CDC23: variants seen among roughly 807,000 people sequenced by gnomAD.
The protein encoded by CDC23 is cell division cycle protein 23 homolog.
CDC23 carries 26 observed loss-of-function variants against 81.7 expected under a neutral mutation model. The observed-to-expected ratio is 0.32, with a 90% CI of 0.23 to 0.44. The LOEUF (loss-of-function observed/expected upper bound fraction) is 0.44. CDC23 is among the 20% of genes least tolerant of loss of function. The pLI, the probability that CDC23 is intolerant of heterozygous loss-of-function variation, is 1.00. For synonymous variants in CDC23, 267 were observed against 270.8 expected (o/e 0.99, Z 0.14); for missense variants, 519 against 728.0 (o/e 0.71, Z 3.30).
At chr5:138,198,108 C>CA in intron 9 of CDC23, 91 bp downstream of exon 9, 1 of 972,340 alleles carries the variant, frequency 1.0e-6, no homozygotes, top group Non-Finnish European at 1.6e-6. Flanking sequence ...TAAAGGCACG[C>CA]ACCACCATCC....
intron 9 of CDC23, among the ~76,000 whole-genome samples, chr5:138,193,595 TA>T (rs1162571701): frequency 7.6e-6 from 1 of 131,368 alleles, no homozygotes. Context: ...AACAACATCT[TA>T]AAAAAAAAGG....
intron 12 of CDC23, 101 bp downstream of exon 12, chr5:138,191,761 C>A: frequency 9.7e-7 from 1 of 1,026,390 alleles, no homozygotes; most frequent in South Asian, 1.3e-5. Flanking sequence ...CTTTCCTATG[C>A]ACCTAGATCA....
At chr5:138,206,873 G>A (rs1043684670) in intron 2 of CDC23, among the ~76,000 whole-genome samples, 189 bp from the exon 3 acceptor site, 1 of 148,026 alleles carries the variant, frequency 6.8e-6, no homozygotes, top group African/African-American at 2.5e-5. Context: ...TAAGCCCATA[G>A]AACTCTTTTT....
chr5:138,212,368 G>T (rs1230731649), intron 2 of CDC23, among the ~76,000 whole-genome samples: 1 of 152,168 alleles, frequency 6.6e-6, no homozygotes, highest in African/African-American at 2.4e-5. Context: ...CCTCGGGCTG[G>T]AGTGCAATGG....
Position 138,193,593 on chromosome 5 carries a change from C to T in CDC23, c.1013-936G>A, listed in dbSNP as rs17228498. Among the ~76,000 whole-genome samples the T allele has an allele frequency of 9.2e-3, 1,341 of 146,488 alleles. 19 individuals are homozygous for T. The highest frequency in any genetic ancestry group is 0.032 in the African/African-American group (1,271 of 39,606). On this transcript the variant is annotated intron_variant, in intron 9 of 15. Transcript: ENST00000394886. ...CTTGGGTAATAGAGCAAAACAACAT[C>T]TTAAAAAAAAAGGAAAAAAAGAGGT...
intron 2 of CDC23, among the ~76,000 whole-genome samples, chr5:138,211,140 A>G (rs756513759): frequency 6.6e-6 from 1 of 152,238 alleles, no homozygotes; most frequent in Admixed American, 6.5e-5. Context: ...ATGGTGCACT[A>G]AAGAAAATGT....
At position 138,192,373 on chromosome 5, in the gene CDC23, G is replaced by C. The variant is rs1754836340; in HGVS notation, c.1182C>G (p.Val394=). 6 of 1,614,144 alleles carry C rather than the reference G, an allele frequency of 3.7e-6. No individual in the cohort carries two copies. Among genetic ancestry groups the C allele is most frequent in the Non-Finnish European group, 5.1e-6 (6 of 1,180,030 alleles). The part of the protein sequence containing the change: ...AIQAYRHAIE[V]NKRDYRAWYG... ...ACCAAGCTCTGTAGTCCCGTTTGTT[G>C]ACCTCAATGGCATGTCTAAGAAATG... is the stretch of plus-strand genomic sequence containing the variant. Residue 394 remains valine (V), a synonymous_variant, in exon 11 of 16, where the codon GTC becomes GTG. Transcript: ENST00000394886.
At chr5:138,212,935 C>T in intron 2 of CDC23, 56 bp downstream of exon 2, 2 of 1,471,636 alleles carry the variant, frequency 1.4e-6, no homozygotes, top group South Asian at 1.1e-5. Context: ...CACTCAGTGG[C>T]TCTTGAGGCA....
In CDC23 at chr5:138,204,629, C is replaced by CTTTTT. The variant is rs71585106; in HGVS notation, c.372+1913_372+1917dup. On this transcript the variant is annotated intron_variant, in intron 3 of 15. Coordinates refer to ENST00000394886, the MANE Select transcript of CDC23 (RefSeq NM_004661.4). Reference sequence around the variant, plus strand: ...AGTAAACATTCAGACTCTCTTTTTTCTTTTTTTGGAGACGGAGTCTCACTC... The same window carrying CTTTTT: ...AGTAAACATTCAGACTCTCTTTTTTCTTTTTTTTTTTTGGAGACGGAGTCTCACTC... 8.1e-5 allele frequency among the ~76,000 whole-genome samples: 12 copies of CTTTTT among 148,326 alleles called. 1 individual carries two copies. Among genetic ancestry groups the CTTTTT allele is most frequent in the Non-Finnish European group, 1.2e-4 (8 of 66,952 alleles).
At chr5:138,212,735 T>C (rs1755127712) in intron 2 of CDC23, among the ~76,000 whole-genome samples, 1 of 152,210 alleles carries the variant, frequency 6.6e-6, no homozygotes, top group Non-Finnish European at 1.5e-5. Context: ...CTATAAGCCC[T>C]AAAAGGCTGA....
intron 15 of CDC23, 115 bp from the exon 16 acceptor site, chr5:138,189,263 T>G: frequency 2.1e-6 from 1 of 473,988 alleles, no homozygotes; most frequent in Non-Finnish European, 3.2e-6. Context: ...GGCTTGCTTG[T>G]TTTTTTTTTT....
Position 138,206,675 on chromosome 5 carries a change from G to C in CDC23, c.244C>G (p.Gln82Glu), listed in dbSNP as rs760542553. Residue 82 changes from glutamine to glutamate, a missense_variant, in exon 3 of 16, where the codon CAG becomes GAG. Coordinates refer to ENST00000394886, the MANE Select transcript of CDC23 (RefSeq NM_004661.4). ...PPPPITEEDA[Q>E]DMDAYTLAKA... ...GCCAGGGTATAGGCATCCATATCCT[G>C]GGCATCTTCCTAAAAAAGAAACAAG... 1.9e-6 allele frequency: 3 copies of C among 1,607,286 alleles called. No homozygotes were observed. The highest frequency in any genetic ancestry group is 1.1e-5 in the South Asian group (1 of 89,680).
chr5:138,196,983 A>AGG (rs1246762229), intron 9 of CDC23, among the ~76,000 whole-genome samples: 1 of 139,008 alleles, frequency 7.2e-6, no homozygotes, highest in Non-Finnish European at 1.5e-5. Flanking sequence ...CCCTGGGCTG[A>AGG]GGCCATCTCC....
chr5:138,206,494 C>T (rs757654636), intron 3 of CDC23, 53 bp downstream of exon 3: 1 of 1,601,444 alleles, frequency 6.2e-7, no homozygotes, highest in South Asian at 1.1e-5. Context: ...TCCATTGGTT[C>T]TAAATATGGA....
In CDC23 at chr5:138,209,421, C is replaced by CA. The variant is rs529747839; in HGVS notation, c.235-2738dup. 5.2e-3 allele frequency among the ~76,000 whole-genome samples: 488 copies of CA among 93,210 alleles called. 1 individual carries two copies. Among genetic ancestry groups the CA allele is most frequent in the African/African-American group, 0.012 (290 of 23,516 alleles). The allele number at this position is 93,210 out of a possible 152,430, so 61.1% of individuals were successfully genotyped here. A position where few individuals can be genotyped will look rare whatever the true frequency, so the allele number is the denominator to read the frequency against. ...CCAGCCTGGGCAACAGAGTGAGACT[C>CA]AAAAAAAAAAAAAGAAAAGAAAAGA... On this transcript the variant is annotated intron_variant, in intron 2 of 15. Coordinates refer to ENST00000394886, the MANE Select transcript of CDC23 (RefSeq NM_004661.4).
intron 9 of CDC23, 47 bp downstream of exon 9, chr5:138,198,152 T>C (rs776574350): frequency 7.3e-7 from 1 of 1,374,164 alleles, no homozygotes; most frequent in Non-Finnish European, 1.0e-6. Flanking sequence ...CATGTGTTAC[T>C]TATAATAAAT....
At position 138,189,633 on chromosome 5, in the gene CDC23, A is replaced by G. The variant is rs2231480; in HGVS notation, c.1623T>C (p.Asp541=). The G allele has an allele frequency of 2.3e-3, 3,762 of 1,611,516 alleles. 81 individuals are homozygous for G. The African/African-American group carries it at 0.044, about 19-fold the overall frequency. Residue 541 remains aspartate (D), a splice_region_variant and synonymous_variant, in exon 15 of 16, where the codon GAT becomes GAC. Coordinates refer to ENST00000394886, the MANE Select transcript of CDC23 (RefSeq NM_004661.4). ...CTTTTATTAAAGAACTGATACTCAC[A>G]TCATTAAATGCACAACACTTTTGTG... ...TCAQKCCAFN[D]TREEGKALLR...
chr5:138,199,749 T>C (rs1043000728), intron 6 of CDC23, among the ~76,000 whole-genome samples: 5 of 152,240 alleles, frequency 3.3e-5, no homozygotes, highest in Non-Finnish European at 7.3e-5. Context: ...AATAATTTAG[T>C]AGGCAAGACA....
At chr5:138,196,900 T>C (rs1348196562) in intron 9 of CDC23, among the ~76,000 whole-genome samples, 3 of 143,124 alleles carry the variant, frequency 2.1e-5, no homozygotes, top group Non-Finnish European at 4.5e-5. Flanking sequence ...CTTTTTTTTT[T>C]TTTTTTTTTT....
Sources: gnomAD v4.1 joint callset for allele counts (sites outside exome capture counted in the v4.1 genomes callset) on GRCh38, gnomAD v4.1.1 for gene constraint, MANE v1.5 for transcripts, NCBI Gene and HGNC (gene_info 2026-07-23, HGNC 2026-07-21) for gene names.